Variants in DPYD observed in about 807,000 individuals in gnomAD.
DPYD encodes dihydropyrimidine dehydrogenase [NADP(+)].
DPYD carries 109 observed loss-of-function variants against 116.2 expected under a neutral mutation model. The ratio of observed to expected loss-of-function variants is 0.94; its 90% CI spans 0.80 to 1.10. The LOEUF (loss-of-function observed/expected upper bound fraction) is 1.10, where lower values mean the gene tolerates loss of function less well. DPYD is among the 50% of genes least tolerant of loss of function. DPYD has a pLI of 0.00. For synonymous variants in DPYD, 440 were observed against 432.0 expected, an observed-to-expected ratio of 1.02 and a Z score of -0.23; for missense variants, 1,302 against 1,254.5, an observed-to-expected ratio of 1.04 and a Z score of -0.57.
chr1:97,146,525 T>C (rs1275621140), intron 20 of DPYD, among the ~76,000 whole-genome samples: 1 of 152,216 alleles, frequency 6.6e-6, no homozygotes, highest in Non-Finnish European at 1.5e-5. Flanking sequence ...GGTTATTTGT[T>C]TGTTTGTTTG....
At chr1:97,684,707 T>C (rs1660623027) in intron 7 of DPYD, among the ~76,000 whole-genome samples, 1 of 151,966 alleles carries the variant, frequency 6.6e-6, no homozygotes, top group Non-Finnish European at 1.5e-5. Context: ...TCGAAGAATA[T>C]TATAAACATT....
chr1:97,909,396 T>A (rs1265694801), intron 1 of DPYD, among the ~76,000 whole-genome samples: 1 of 152,140 alleles, frequency 6.6e-6, no homozygotes, highest in East Asian at 1.9e-4. Context: ...AACTCTTCCC[T>A]TAATATATGT....
At chr1:97,451,853 C>A (rs944833282) in intron 13 of DPYD, among the ~76,000 whole-genome samples, 16 of 152,076 alleles carry the variant, frequency 1.1e-4, no homozygotes, top group Non-Finnish European at 2.2e-4. Flanking sequence ...ACCTTGAGAT[C>A]CTCCTTTCCT....
chr1:97,534,778 G>A lies in DPYD; in HGVS notation c.1524+14782C>T, dbSNP rs114015237. ...GTATAGTTCTCCATTTTTTTAAATG[G>A]GAAAATGGTTAATCCATAGGTAATT... On this transcript the variant is annotated intron_variant, in intron 12 of 22. Transcript: ENST00000370192. 4.0e-3 allele frequency among the ~76,000 whole-genome samples: 611 copies of A among 151,858 alleles called. 2 individuals carry two copies. Among genetic ancestry groups the A allele is most frequent in the African/African-American group, 0.013 (548 of 41,466 alleles).
intron 12 of DPYD, among the ~76,000 whole-genome samples, chr1:97,542,932 T>C (rs1650565168): frequency 6.6e-6 from 1 of 152,214 alleles, no homozygotes; most frequent in East Asian, 1.9e-4. Flanking sequence ...CAGATTTCTA[T>C]TCAAATTTCC....
At chr1:97,571,659 G>C (rs1329684431) in intron 11 of DPYD, among the ~76,000 whole-genome samples, 1 of 151,950 alleles carries the variant, frequency 6.6e-6, no homozygotes, top group Non-Finnish European at 1.5e-5. Context: ...ATGACATAGT[G>C]TTAGGATGGG....
At chr1:97,228,292 T>A (rs1320837822) in intron 19 of DPYD, among the ~76,000 whole-genome samples, 1 of 152,114 alleles carries the variant, frequency 6.6e-6, no homozygotes, top group Admixed American at 6.5e-5. Flanking sequence ...GTATGCGCTA[T>A]CACACTTATG....
chr1:97,497,501 A>G (rs1679338621), intron 13 of DPYD, among the ~76,000 whole-genome samples: 1 of 151,910 alleles, frequency 6.6e-6, no homozygotes, highest in South Asian at 2.1e-4. Flanking sequence ...AAGCTACTTT[A>G]ACTGTCAATT....
intron 16 of DPYD, among the ~76,000 whole-genome samples, chr1:97,342,071 T>C (rs1387824889): frequency 6.6e-6 from 1 of 152,212 alleles, no homozygotes; most frequent in Non-Finnish European, 1.5e-5. Context: ...ATTGATTATG[T>C]TCTTCTTGAG....
intron 11 of DPYD, among the ~76,000 whole-genome samples, chr1:97,562,577 T>C (rs939463292): frequency 6.6e-6 from 1 of 152,110 alleles, no homozygotes; most frequent in African/African-American, 2.4e-5. Context: ...GATCCCCAAA[T>C]GGATGTTAAC....
intron 15 of DPYD, among the ~76,000 whole-genome samples, chr1:97,382,176 C>T (rs978845749): frequency 2.6e-5 from 4 of 152,056 alleles, no homozygotes; most frequent in African/African-American, 9.7e-5. Flanking sequence ...GTGTGAAATC[C>T]AAGGGACCGC....
intron 10 of DPYD, among the ~76,000 whole-genome samples, chr1:97,590,207 C>G (rs564625991): frequency 2.6e-5 from 4 of 152,172 alleles, no homozygotes; most frequent in African/African-American, 9.6e-5. Flanking sequence ...ATGGTATTAC[C>G]CCTGGTAAGA....
chr1:97,484,327 CAA>C (rs889098909), intron 13 of DPYD, among the ~76,000 whole-genome samples: 10 of 151,918 alleles, frequency 6.6e-5, no homozygotes, highest in African/African-American at 2.2e-4. Flanking sequence ...AAAACAAAAA[CAA>C]AAAAATTCCC....
chr1:97,846,745 G>C (rs748927994), intron 2 of DPYD, among the ~76,000 whole-genome samples: 1 of 152,088 alleles, frequency 6.6e-6, no homozygotes, highest in African/African-American at 2.4e-5. Context: ...GTCTTTACAG[G>C]GAAATAGTTA....
chr1:97,205,433 T>C (rs1160419704), intron 19 of DPYD, among the ~76,000 whole-genome samples: 1 of 152,074 alleles, frequency 6.6e-6, no homozygotes, highest in Non-Finnish European at 1.5e-5. Flanking sequence ...CTTTTTCAGA[T>C]TGACTTATTT....
At chr1:97,349,720 C>A (rs1049224252) in intron 16 of DPYD, among the ~76,000 whole-genome samples, 8 of 152,042 alleles carry the variant, frequency 5.3e-5, no homozygotes, top group Non-Finnish European at 1.0e-4. Flanking sequence ...TGTATATGTG[C>A]CACATTTTCT....
chr1:97,595,087 C>T lies in DPYD; in HGVS notation c.930G>A (p.Leu310=). ...DQGFYTSKDF[L]PLVAKGSKAG... ...CTTTACTGCCTTTGGCTACAAGTGG[C>T]AAAAAGTCTTTGGATGTATAAAACC... is the stretch of plus-strand genomic sequence containing the variant. Residue 310 remains leucine, a synonymous_variant, in exon 9 of 23, where the codon TTG becomes TTA. Transcript: ENST00000370192. 1 of 1,613,514 alleles carries T rather than the reference C, an allele frequency of 6.2e-7. No individual in the cohort carries two copies. The highest frequency in any genetic ancestry group is 8.5e-7 in the Non-Finnish European group (1 of 1,179,598).
At chr1:97,803,569 T>TA (rs1667940826) in intron 3 of DPYD, among the ~76,000 whole-genome samples, 1 of 151,882 alleles carries the variant, frequency 6.6e-6, no homozygotes, top group African/African-American at 2.4e-5. Context: ...GAAATGGGAC[T>TA]ACACAAAAAA....
intron 10 of DPYD, among the ~76,000 whole-genome samples, chr1:97,581,704 C>T (rs1239967008): frequency 1.4e-5 from 2 of 147,842 alleles, no homozygotes; most frequent in Non-Finnish European, 3.0e-5. Context: ...TGTGATCACG[C>T]CACTGCATTC....
Sources: allele counts gnomAD v4.1 joint callset (sites outside exome capture counted in the v4.1 genomes callset), GRCh38; gene constraint gnomAD v4.1.1; transcripts MANE v1.5; gene names NCBI Gene and HGNC (gene_info 2026-07-23, HGNC 2026-07-21).